Variants in KLHL1 observed in about 807,000 individuals in gnomAD.
The protein encoded by KLHL1 is kelch-like protein 1.
In KLHL1, 47 loss-of-function variants were observed where a neutral mutation model predicts 77.7. The observed-to-expected ratio is 0.60, with a 90% CI of 0.48 to 0.77. KLHL1 has a LOEUF of 0.77. Ranked by LOEUF, KLHL1 falls within the 30% of genes least tolerant of loss-of-function variation. The pLI is 0.00. For synonymous variants in KLHL1, 360 were observed against 325.2 expected, an observed-to-expected ratio of 1.11 and a Z score of -1.15; for missense variants, 925 against 910.8, an observed-to-expected ratio of 1.02 and a Z score of -0.20.
intron 5 of KLHL1, among the ~76,000 whole-genome samples, chr13:69,859,844 A>G (rs969412882): frequency 6.6e-6 from 1 of 152,106 alleles, no homozygotes; most frequent in African/African-American, 2.4e-5. Context: ...TCTAGTGTCA[A>G]CTTCAGGTAA....
intron 1 of KLHL1, among the ~76,000 whole-genome samples, chr13:70,011,002 G>A: frequency 6.6e-6 from 1 of 152,002 alleles, no homozygotes; most frequent in East Asian, 1.9e-4. Flanking sequence ...CTTGAGTTCT[G>A]GGGCAAGTTA....
intron 4 of KLHL1, among the ~76,000 whole-genome samples, chr13:69,896,495 C>T (rs1001877037): frequency 1.3e-5 from 2 of 151,946 alleles, no homozygotes. Flanking sequence ...TCAAATGTAT[C>T]CATTTTTCAT....
At chr13:69,846,972 A>C (rs890814918) in intron 5 of KLHL1, among the ~76,000 whole-genome samples, 1 of 151,504 alleles carries the variant, frequency 6.6e-6, no homozygotes, top group African/African-American at 2.4e-5. Flanking sequence ...CAATCTCTCA[A>C]ACAAAAAATA....
chr13:70,083,006 A>G (rs1040682242), intron 1 of KLHL1, among the ~76,000 whole-genome samples: 3 of 152,126 alleles, frequency 2.0e-5, no homozygotes, highest in African/African-American at 7.2e-5. Context: ...TTGAAAAACT[A>G]TTTTAAAATA....
intron 5 of KLHL1, among the ~76,000 whole-genome samples, chr13:69,872,485 A>G (rs1454025779): frequency 1.3e-5 from 2 of 152,080 alleles, no homozygotes; most frequent in African/African-American, 2.4e-5. Flanking sequence ...GAGGAGTTAT[A>G]TCTTCATTAC....
intron 7 of KLHL1, among the ~76,000 whole-genome samples, chr13:69,783,450 A>T (rs1222522301): frequency 6.6e-6 from 1 of 152,158 alleles, no homozygotes; most frequent in Non-Finnish European, 1.5e-5. Flanking sequence ...CAAATGGATA[A>T]CTAGAATAAC....
At chr13:69,716,116 G>A (rs1201869515) in intron 9 of KLHL1, among the ~76,000 whole-genome samples, 2 of 151,960 alleles carry the variant, frequency 1.3e-5, no homozygotes, top group Admixed American at 6.6e-5. Context: ...GCCTTTCCAT[G>A]AATCCACCTC....
At chr13:70,018,274 A>C (rs1460538443) in intron 1 of KLHL1, among the ~76,000 whole-genome samples, 1 of 152,204 alleles carries the variant, frequency 6.6e-6, no homozygotes, top group African/African-American at 2.4e-5. Flanking sequence ...ATAAATTAGA[A>C]AGTTGATAAA....
chr13:69,930,199 A>C (rs1566413764), intron 4 of KLHL1, among the ~76,000 whole-genome samples: 1 of 151,876 alleles, frequency 6.6e-6, no homozygotes, highest in Non-Finnish European at 1.5e-5. Context: ...CATGAGATAA[A>C]TTAAGGTAAT....
intron 5 of KLHL1, among the ~76,000 whole-genome samples, chr13:69,874,671 C>A (rs1377971137): frequency 2.0e-5 from 3 of 152,008 alleles, no homozygotes; most frequent in Non-Finnish European, 4.4e-5. Flanking sequence ...ACTGTTCTTG[C>A]ACTTTGTGTC....
intron 1 of KLHL1, among the ~76,000 whole-genome samples, chr13:70,058,323 T>C (rs1886797460): frequency 6.6e-6 from 1 of 152,150 alleles, no homozygotes; most frequent in Non-Finnish European, 1.5e-5. Flanking sequence ...TTTATACTTG[T>C]AAAAACCTAA....
In KLHL1 at chr13:70,012,907, A is replaced by AAT. The variant is rs1555290445; in HGVS notation, c.498-37106_498-37105insAT. On this transcript the variant is annotated intron_variant, in intron 1 of 10. Transcript: ENST00000377844. ...GACAGAGCAAGATTCTGTATAAAAA[A>AAT]AATAATAATAATAAATAAATATCAA... Among the ~76,000 whole-genome samples, 35 of 151,362 alleles carry AAT rather than the reference A, an allele frequency of 2.3e-4. 2 individuals carry two copies. The highest frequency in any genetic ancestry group is 1.0e-3 in the South Asian group (5 of 4,806).
intron 6 of KLHL1, among the ~76,000 whole-genome samples, chr13:69,805,254 A>G (rs1877568164): frequency 6.6e-6 from 1 of 151,988 alleles, no homozygotes. Context: ...GTAGCTATGT[A>G]TAGACATATA....
intron 1 of KLHL1, among the ~76,000 whole-genome samples, chr13:70,104,157 T>C (rs1046191801): frequency 6.6e-6 from 1 of 152,118 alleles, no homozygotes; most frequent in Non-Finnish European, 1.5e-5. Flanking sequence ...TATCTGAATA[T>C]CCAGGAAATC....
intron 3 of KLHL1, among the ~76,000 whole-genome samples, chr13:69,948,929 GAAGA>G (rs1301169995): frequency 1.3e-5 from 2 of 151,788 alleles, no homozygotes; most frequent in African/African-American, 2.4e-5. Flanking sequence ...TTAAATTGAA[GAAGA>G]AACAATATCA....
intron 6 of KLHL1, among the ~76,000 whole-genome samples, chr13:69,820,295 T>C (rs1262884733): frequency 2.0e-5 from 3 of 152,216 alleles, no homozygotes; most frequent in Non-Finnish European, 4.4e-5. Context: ...TCGGTTATCA[T>C]AACGTATTCA....
intron 6 of KLHL1, among the ~76,000 whole-genome samples, chr13:69,823,287 A>G (rs1267454286): frequency 1.3e-5 from 2 of 152,138 alleles, no homozygotes; most frequent in Admixed American, 6.5e-5. Context: ...CATTTTGCAT[A>G]TGAGAAACAC....
intron 1 of KLHL1, among the ~76,000 whole-genome samples, chr13:70,006,668 G>C (rs1441567): frequency 0.1 from 15,598 of 151,608 alleles, 855 homozygotes; most frequent in African/African-American, 0.12. Flanking sequence ...TTGGTTGAAT[G>C]TTTCTCTCAT....
chr13:69,939,911 C>T (rs1883314580), intron 4 of KLHL1, 129 bp downstream of exon 4: 4 of 604,872 alleles, frequency 6.6e-6, no homozygotes, highest in South Asian at 5.4e-5. Context: ...TAGTTCATAA[C>T]AAAAAAATGT....
Sources: gnomAD v4.1 joint callset for allele counts (sites outside exome capture counted in the v4.1 genomes callset) on GRCh38, gnomAD v4.1.1 for gene constraint, MANE v1.5 for transcripts, NCBI Gene and HGNC (gene_info 2026-07-23, HGNC 2026-07-21) for gene names.